Variants in NCALD observed in about 807,000 individuals in gnomAD.
The protein encoded by NCALD is neurocalcin-delta.
In NCALD, 10 loss-of-function variants were observed where a neutral mutation model predicts 18.6. That is an observed-to-expected ratio of 0.54 (90% confidence interval 0.33 to 0.91). The LOEUF (loss-of-function observed/expected upper bound fraction) is 0.91. Among genes scored for constraint, NCALD ranks in the 40% least tolerant of loss-of-function variants. NCALD has a pLI of 0.03. For synonymous variants in NCALD, 88 were observed against 87.4 expected, an observed-to-expected ratio of 1.01 and a Z score of -0.04; for missense variants, 184 against 247.6, an observed-to-expected ratio of 0.74 and a Z score of 1.72.
intron 2 of NCALD, among the ~76,000 whole-genome samples, chr8:101,928,762 C>T (rs990710365): frequency 6.6e-6 from 1 of 152,134 alleles, no homozygotes; most frequent in Non-Finnish European, 1.5e-5. Context: ...CGTTAATGCT[C>T]TAGTTGTTCT....
intron 1 of NCALD, among the ~76,000 whole-genome samples, chr8:102,117,299 C>G (rs1296854303): frequency 6.6e-6 from 1 of 152,218 alleles, no homozygotes; most frequent in Non-Finnish European, 1.5e-5. Context: ...TCCAAAGCAG[C>G]CCATTCCGTG....
At chr8:101,992,249 C>A (rs1176410736) in intron 2 of NCALD, among the ~76,000 whole-genome samples, 1 of 152,192 alleles carries the variant, frequency 6.6e-6, no homozygotes, top group Non-Finnish European at 1.5e-5. Flanking sequence ...CCCATTTCCT[C>A]TTTCCTTTCT....
intron 1 of NCALD, among the ~76,000 whole-genome samples, chr8:101,747,502 C>T (rs1810475185): frequency 2.0e-5 from 3 of 152,050 alleles, no homozygotes; most frequent in African/African-American, 7.2e-5. Context: ...ATCATTGAGC[C>T]ACCAGTTGGG....
upstream of NCALD, among the ~76,000 whole-genome samples, chr8:101,793,966 C>T (rs1812542122): frequency 6.6e-6 from 1 of 152,104 alleles, no homozygotes; most frequent in Admixed American, 6.5e-5. Context: ...AGGGATGTTG[C>T]TGTCTCCTCT....
chr8:101,740,418 C>T (rs941260573), intron 1 of NCALD, among the ~76,000 whole-genome samples: 6 of 152,288 alleles, frequency 3.9e-5, no homozygotes, highest in East Asian at 1.9e-4. Context: ...TGAAGAATTA[C>T]GGGCTTACCC....
At chr8:101,820,187 GTATACTTA>G (rs1483314990) in intron 4 of NCALD, among the ~76,000 whole-genome samples, 1 of 152,136 alleles carries the variant, frequency 6.6e-6, no homozygotes, top group African/African-American at 2.4e-5. Context: ...CAGTGATTTT[GTATACTTA>G]TATAATCTTG....
intron 1 of NCALD, among the ~76,000 whole-genome samples, chr8:102,066,912 G>C (rs775874165): frequency 3.3e-5 from 5 of 152,162 alleles, no homozygotes; most frequent in African/African-American, 7.2e-5. Context: ...TCACCTTCCA[G>C]CTTCCTCTAA....
At chr8:101,934,940 A>T (rs1411089498) in intron 2 of NCALD, among the ~76,000 whole-genome samples, 1 of 152,174 alleles carries the variant, frequency 6.6e-6, no homozygotes, top group African/African-American at 2.4e-5. Flanking sequence ...TGAAAATATC[A>T]CCAAAGAACA....
chr8:101,921,393 A>C (rs927920592), intron 2 of NCALD, among the ~76,000 whole-genome samples: 2 of 151,936 alleles, frequency 1.3e-5, no homozygotes, highest in African/African-American at 4.8e-5. Flanking sequence ...AATTAATTAT[A>C]ATAATAAAAG....
intron 1 of NCALD, among the ~76,000 whole-genome samples, chr8:102,106,247 A>G (rs1825442828): frequency 6.7e-6 from 1 of 150,018 alleles, no homozygotes; most frequent in Admixed American, 6.6e-5. Flanking sequence ...TTTTTTTGGT[A>G]TTTTTAGTAG....
chr8:101,761,068 C>T (rs1273745492), intron 1 of NCALD, among the ~76,000 whole-genome samples: 1 of 151,996 alleles, frequency 6.6e-6, no homozygotes, highest in African/African-American at 2.4e-5. Flanking sequence ...TTGACTTCCT[C>T]CAGCAGGATC....
intron 2 of NCALD, among the ~76,000 whole-genome samples, chr8:101,707,802 A>T (rs1815599880): frequency 1.3e-5 from 2 of 152,120 alleles, no homozygotes; most frequent in African/African-American, 4.8e-5. Flanking sequence ...CAGGAGACGG[A>T]GGTTGCGGTG....
intron 2 of NCALD, among the ~76,000 whole-genome samples, chr8:102,006,424 A>G (rs754150179): frequency 2.0e-5 from 3 of 152,104 alleles, no homozygotes; most frequent in Non-Finnish European, 4.4e-5. Context: ...TCTCTTCTGC[A>G]TTCTACTTTA....
intron 4 of NCALD, among the ~76,000 whole-genome samples, chr8:101,845,386 T>C (rs1446978227): frequency 6.6e-6 from 1 of 152,200 alleles, no homozygotes; most frequent in Non-Finnish European, 1.5e-5. Flanking sequence ...GCACTTTTTA[T>C]TATACTTAAT....
chr8:102,048,339 A>G (rs1823319940), intron 1 of NCALD, among the ~76,000 whole-genome samples: 1 of 152,190 alleles, frequency 6.6e-6, no homozygotes, highest in East Asian at 1.9e-4. Context: ...CCCAAGACTC[A>G]CCTTTTGATA....
intron 4 of NCALD, among the ~76,000 whole-genome samples, chr8:101,824,425 T>G (rs1442369475): frequency 1.3e-5 from 2 of 152,128 alleles, no homozygotes; most frequent in African/African-American, 4.8e-5. Flanking sequence ...CTTCCCTTAA[T>G]AACAACTGTA....
chr8:101,877,477 C>A (rs1816275791), intron 4 of NCALD, among the ~76,000 whole-genome samples: 1 of 152,174 alleles, frequency 6.6e-6, no homozygotes, highest in Admixed American at 6.5e-5. Flanking sequence ...GCATTCCTGG[C>A]TACCCAGCAT....
intron 2 of NCALD, among the ~76,000 whole-genome samples, chr8:101,989,319 G>A (rs1349442271): frequency 6.6e-6 from 1 of 152,092 alleles, no homozygotes; most frequent in Non-Finnish European, 1.5e-5. Flanking sequence ...AAAATATTCT[G>A]GCAATGTGTA....
chr8:101,967,141 C>G (rs1240760076), intron 2 of NCALD, among the ~76,000 whole-genome samples: 1 of 152,102 alleles, frequency 6.6e-6, no homozygotes. Flanking sequence ...AAATTATTTT[C>G]ATTTTTTACC....
Sources: allele counts gnomAD v4.1 joint callset (sites outside exome capture counted in the v4.1 genomes callset), GRCh38; gene constraint gnomAD v4.1.1; transcripts MANE v1.5; gene names NCBI Gene and HGNC (gene_info 2026-07-23, HGNC 2026-07-21).